The following GNS variants were observed in gnomAD, a reference collection of about 807,000 sequenced individuals.
GNS encodes the protein glucosamine (N-acetyl)-6-sulfatase.
A neutral mutation model predicts 69.7 loss-of-function variants in GNS; 40 were observed. That is an observed-to-expected ratio of 0.57 (90% CI 0.45 to 0.75). GNS has a LOEUF of 0.75. GNS is among the 30% of genes least tolerant of loss of function. The pLI, the probability that GNS is intolerant of heterozygous loss-of-function variation, is 0.00. For missense variants in GNS, 565 were observed against 685.5 expected, an observed-to-expected ratio of 0.82 and a Z score of 1.96; for synonymous variants, 243 against 251.6, an observed-to-expected ratio of 0.97 and a Z score of 0.32.
intron 9 of GNS, among the ~76,000 whole-genome samples, chr12:64,730,112 G>A (rs1257492695): frequency 6.6e-6 from 1 of 152,146 alleles, no homozygotes; most frequent in Non-Finnish European, 1.5e-5. Context: ...TCCATTGAGC[G>A]AAACAAAGAG....
intron 10 of GNS, among the ~76,000 whole-genome samples, chr12:64,727,872 T>G (rs1376778481): frequency 6.6e-6 from 1 of 152,186 alleles, no homozygotes; most frequent in Non-Finnish European, 1.5e-5. Flanking sequence ...TGATGATGGT[T>G]GTACCACTCT....
chr12:64,735,394 T>C (rs1462925154), intron 9 of GNS, among the ~76,000 whole-genome samples: 1 of 152,200 alleles, frequency 6.6e-6, no homozygotes, highest in Non-Finnish European at 1.5e-5. Flanking sequence ...ACTGTGAGGA[T>C]TGAATGAGTT....
chr12:64,723,056 C>T lies in GNS; in HGVS notation c.1258G>A (p.Gly420Ser). ...CATGTTGGGTCAGTGACGTTACGGC[C>T]TTCTCCTTGGTATTCCACCAGGACA... is the stretch of plus-strand genomic sequence containing the variant. ...SDVLVEYQGE[G>S]RNVTDPTCPS... The change falls in exon 11 of 14, where the codon GGC becomes AGC. Residue 420 changes from glycine (G) to serine (S), a missense_variant. By Grantham distance (56) the Gly-to-Ser change is moderately conservative. This residue lies in a region of GNS where 384 missense variants were observed against 511.0 expected (regional missense o/e 0.75). Coordinates refer to ENST00000258145, the MANE Select transcript of GNS (RefSeq NM_002076.4). 2 of 1,613,474 alleles carry T rather than the reference C, an allele frequency of 1.2e-6. No individual in the cohort carries two copies. The highest frequency in any genetic ancestry group is 1.1e-5 in the South Asian group (1 of 91,062).
intron 12 of GNS, among the ~76,000 whole-genome samples, chr12:64,720,962 A>T (rs1869007997): frequency 6.6e-6 from 1 of 152,220 alleles, no homozygotes; most frequent in Non-Finnish European, 1.5e-5. Flanking sequence ...CTTGTTGTCC[A>T]AAGTGCTTAT....
intron 1 of GNS, among the ~76,000 whole-genome samples, chr12:64,757,626 T>G (rs1415393285): frequency 1.3e-5 from 2 of 152,184 alleles, no homozygotes; most frequent in African/African-American, 4.8e-5. Flanking sequence ...TAAAAGACTC[T>G]CAAGCTCTTG....
At chr12:64,721,376 G>T (rs1232821104) in intron 12 of GNS, among the ~76,000 whole-genome samples, 1 of 152,188 alleles carries the variant, frequency 6.6e-6, no homozygotes. Flanking sequence ...TGTATATTTG[G>T]GTGGTGGTGG....
At chr12:64,728,833 CATCACAAGATT>C in intron 10 of GNS, 112 bp downstream of exon 10, 1 of 664,138 alleles carries the variant, frequency 1.5e-6, no homozygotes, top group South Asian at 1.7e-5. Flanking sequence ...AACTCCTTCC[CATCACAAGATT>C]TTCTGCCCCC....
chr12:64,723,340 C>G (rs1869092817), intron 10 of GNS, among the ~76,000 whole-genome samples: 1 of 152,146 alleles, frequency 6.6e-6, no homozygotes, highest in African/African-American at 2.4e-5. Flanking sequence ...TTTAATAGTT[C>G]CTTCCCAAGG....
In GNS at chr12:64,714,699, GAAT is replaced by G. The variant is rs1868807134; in HGVS notation, c.*2039_*2041del. On this transcript the variant is annotated 3_prime_UTR_variant, in exon 14 of 14. Transcript: ENST00000258145. Reference sequence around the variant, plus strand: ...TCTGCTCAGGAACAAGCATAAAACTGAATAATATGACATCACAGTCCAAGACCT... The same window carrying G: ...TCTGCTCAGGAACAAGCATAAAACTGAATATGACATCACAGTCCAAGACCT... 1 of 152,030 alleles carries G rather than the reference GAAT, an allele frequency of 6.6e-6. No homozygotes were observed. Among genetic ancestry groups the G allele is most frequent in the South Asian group, 2.1e-4 (1 of 4,814 alleles). The allele number at this position is 152,030 out of a possible 1,614,324, so 9.4% of individuals were successfully genotyped here.
chr12:64,725,037 T>C (rs545919315), intron 10 of GNS, among the ~76,000 whole-genome samples: 4 of 152,200 alleles, frequency 2.6e-5, no homozygotes, highest in Non-Finnish European at 5.9e-5. Context: ...TCCTGAACTT[T>C]GCTGCATATT....
At chr12:64,744,548 T>TA (rs1869841447) in intron 5 of GNS, among the ~76,000 whole-genome samples, 1 of 151,968 alleles carries the variant, frequency 6.6e-6, no homozygotes. Flanking sequence ...GTAATCTCTG[T>TA]AGTCGAAGAG....
Position 64,716,508 on chromosome 12 carries a change from G to T in GNS, c.*233C>A. The T allele has an allele frequency of 1.7e-6, 1 of 577,938 alleles. No homozygotes were observed. Among genetic ancestry groups the T allele is most frequent in the Non-Finnish European group, 3.1e-6 (1 of 319,794 alleles). The allele number at this position is 577,938 out of a possible 1,614,324, so 35.8% of individuals were successfully genotyped here. A position where few individuals can be genotyped will look rare whatever the true frequency, so the allele number is the denominator to read the frequency against. On this transcript the variant is annotated 3_prime_UTR_variant, in exon 14 of 14. Coordinates refer to ENST00000258145, the MANE Select transcript of GNS (RefSeq NM_002076.4). The stretch of plus-strand genomic sequence containing the variant: ...GAACAAAGACCTCAGGAGTGTCCTT[G>T]TCAGCTAAAGGAAGAGACCAGAGAC...
intron 10 of GNS, 136 bp from the exon 11 acceptor site, chr12:64,723,249 A>T (rs1425246644): frequency 1.5e-6 from 1 of 687,432 alleles, no homozygotes; most frequent in African/African-American, 1.8e-5. Context: ...GGAATGACTA[A>T]AACAGGTACA....
At chr12:64,716,876 T>C in intron 13 of GNS, 57 bp from the exon 14 acceptor site, 1 of 1,069,712 alleles carries the variant, frequency 9.3e-7, no homozygotes, top group Non-Finnish European at 1.5e-6. Flanking sequence ...ACTCAGAATA[T>C]TATTCAGTGG....
Position 64,741,063 on chromosome 12 carries a change from AGG to A in GNS, c.793-377_793-376del, listed in dbSNP as rs1869716365. 1.6e-4 allele frequency among the ~76,000 whole-genome samples: 23 copies of A among 142,966 alleles called. No homozygotes were observed. The East Asian group carries it at 4.8e-3, about 30-fold the overall frequency. The allele number at this position is 142,966 out of a possible 152,430, so 93.8% of individuals were successfully genotyped here. ...TACTACAATTAGAAAATGGGCAAAT[AGG>A]GCGTAGTGGCGGGCGCCTGTAGTCC... is the stretch of plus-strand genomic sequence containing the variant. On this transcript the variant is annotated intron_variant, in intron 6 of 13. Transcript: ENST00000258145.
chr12:64,730,093 C>A (rs930321488), intron 9 of GNS, among the ~76,000 whole-genome samples: 1 of 152,108 alleles, frequency 6.6e-6, no homozygotes, highest in East Asian at 1.9e-4. Context: ...TCTTCAAGCA[C>A]TGAAACAATC....
chr12:64,728,740 A>G (rs1195902035), intron 10 of GNS, among the ~76,000 whole-genome samples: 1 of 152,104 alleles, frequency 6.6e-6, no homozygotes, highest in African/African-American at 2.4e-5. Context: ...CTCTTTATTT[A>G]TGGTGGGTGT....
chr12:64,741,522 G>A (rs554781006), intron 6 of GNS, among the ~76,000 whole-genome samples: 2 of 152,060 alleles, frequency 1.3e-5, no homozygotes, highest in Non-Finnish European at 1.5e-5. Flanking sequence ...CTGGCCTCAG[G>A]TGATCCTCTT....
intron 1 of GNS, among the ~76,000 whole-genome samples, chr12:64,753,876 C>T (rs1481346783): frequency 6.6e-6 from 1 of 152,198 alleles, no homozygotes; most frequent in Non-Finnish European, 1.5e-5. Context: ...GCAAGGTCGT[C>T]AGCCATACTC....
Sources: allele counts gnomAD v4.1 joint callset (sites outside exome capture counted in the v4.1 genomes callset), GRCh38; gene constraint gnomAD v4.1.1; regional missense constraint gnomAD v4.1.1; transcripts MANE v1.5; gene names NCBI Gene and HGNC (gene_info 2026-07-23, HGNC 2026-07-21).